Variants in LHFPL6 observed in about 807,000 individuals in gnomAD.
LHFPL6 encodes the protein LHFPL tetraspan subfamily member 6.
Under a neutral mutation model 20.6 loss-of-function variants are expected in LHFPL6, and 9 were observed. That is an observed-to-expected ratio of 0.44 (90% CI 0.26 to 0.76). LHFPL6 has a LOEUF of 0.76. LHFPL6 is among the 30% of genes least tolerant of loss of function. LHFPL6 has a pLI of 0.20. For synonymous variants in LHFPL6, 105 were observed against 98.7 expected (o/e 1.06, Z -0.38); for missense variants, 218 against 253.5 (o/e 0.86, Z 0.95).
intron 2 of LHFPL6, among the ~76,000 whole-genome samples, chr13:39,562,707 T>TATATAC (rs1279127810): frequency 8.2e-6 from 1 of 122,006 alleles, no homozygotes; most frequent in African/African-American, 2.7e-5. Flanking sequence ...TATATATATA[T>TATATAC]ACACACACAC....
chr13:39,498,340 T>C (rs1869167805), intron 2 of LHFPL6, among the ~76,000 whole-genome samples: 1 of 152,196 alleles, frequency 6.6e-6, no homozygotes, highest in South Asian at 2.1e-4. Flanking sequence ...ACCAAGCACC[T>C]ACTCTGTAGA....
At chr13:39,499,018 G>A (rs755481398) in intron 2 of LHFPL6, among the ~76,000 whole-genome samples, 2 of 152,068 alleles carry the variant, frequency 1.3e-5, no homozygotes, top group Non-Finnish European at 2.9e-5. Flanking sequence ...GCACCACCAC[G>A]TCCGGCTAAA....
intron 2 of LHFPL6, among the ~76,000 whole-genome samples, chr13:39,556,815 A>C (rs1339660119): frequency 2.0e-5 from 3 of 151,150 alleles, no homozygotes; most frequent in Non-Finnish European, 2.9e-5. Flanking sequence ...AATAAAAATC[A>C]GCCAGCCATG....
intron 2 of LHFPL6, among the ~76,000 whole-genome samples, chr13:39,406,031 G>A (rs1927200): frequency 0.61 from 93,439 of 151,946 alleles, 29,168 homozygotes; most frequent in Admixed American, 0.7. Context: ...CTGTATTGTA[G>A]CTGAGCTCAC....
intron 2 of LHFPL6, among the ~76,000 whole-genome samples, chr13:39,413,823 T>C (rs1281473117): frequency 1.3e-5 from 2 of 152,166 alleles, no homozygotes; most frequent in Admixed American, 6.5e-5. Context: ...TTCTATTCCT[T>C]TTTAATCACC....
intron 2 of LHFPL6, among the ~76,000 whole-genome samples, chr13:39,564,506 C>G (rs910720804): frequency 1.3e-5 from 2 of 152,056 alleles, no homozygotes; most frequent in Admixed American, 6.6e-5. Flanking sequence ...TTAAAAATGG[C>G]CTTTGACTCT....
At chr13:39,440,955 C>T (rs553387794) in intron 2 of LHFPL6, among the ~76,000 whole-genome samples, 2 of 151,924 alleles carry the variant, frequency 1.3e-5, no homozygotes, top group Admixed American at 6.6e-5. Context: ...GTTAGATGTG[C>T]CTTTTACCTT....
chr13:39,346,753 A>C (rs1270890967), intron 3 of LHFPL6, among the ~76,000 whole-genome samples: 1 of 152,160 alleles, frequency 6.6e-6, no homozygotes, highest in Non-Finnish European at 1.5e-5. Flanking sequence ...CCATGCTCTT[A>C]CTTAAAACCC....
At chr13:39,542,352 G>A (rs4366597) in intron 2 of LHFPL6, among the ~76,000 whole-genome samples, 143,791 of 152,244 alleles carry the variant, frequency 0.94, 67,958 homozygotes, top group Admixed American at 0.95. Flanking sequence ...ACTAATAAAC[G>A]TTGGAAATGT....
chr13:39,440,116 G>T (rs2138412821), intron 2 of LHFPL6, among the ~76,000 whole-genome samples: 1 of 152,342 alleles, frequency 6.6e-6, no homozygotes, highest in East Asian at 1.9e-4. Flanking sequence ...TAGAGAGAGA[G>T]AGATCACATA....
intron 2 of LHFPL6, among the ~76,000 whole-genome samples, chr13:39,382,373 G>T (rs1375652604): frequency 6.6e-6 from 1 of 152,120 alleles, no homozygotes; most frequent in Non-Finnish European, 1.5e-5. Context: ...CCTAGAGTAG[G>T]TTACATTACT....
intron 2 of LHFPL6, among the ~76,000 whole-genome samples, chr13:39,536,535 T>C (rs9532393): frequency 0.92 from 139,256 of 152,166 alleles, 63,854 homozygotes; most frequent in Non-Finnish European, 0.94. Context: ...CAGGGACTCC[T>C]GGTGGCCTGG....
At chr13:39,464,141 G>A (rs914659113) in intron 2 of LHFPL6, among the ~76,000 whole-genome samples, 81 of 152,240 alleles carry the variant, frequency 5.3e-4, no homozygotes, top group African/African-American at 1.8e-3. Flanking sequence ...TTTTTCATAA[G>A]CTCAGCAATT....
intron 3 of LHFPL6, among the ~76,000 whole-genome samples, chr13:39,353,234 C>T (rs943116391): frequency 4.6e-5 from 7 of 151,102 alleles, no homozygotes; most frequent in Non-Finnish European, 8.8e-5. Flanking sequence ...AATCCAGCCG[C>T]CTCGGCCTTC....
At chr13:39,402,622 C>T (rs529067653) in intron 2 of LHFPL6, among the ~76,000 whole-genome samples, 4 of 152,118 alleles carry the variant, frequency 2.6e-5, no homozygotes, top group Non-Finnish European at 5.9e-5. Context: ...AACACAAATA[C>T]AGACCAGGAT....
At position 39,367,104 on chromosome 13, in the gene LHFPL6, A is replaced by G. The variant is rs111362462; in HGVS notation, c.484+11324T>C. On this transcript the variant is annotated intron_variant, in intron 3 of 3. Coordinates refer to ENST00000379589, the MANE Select transcript of LHFPL6 (RefSeq NM_005780.3). ...AAGATCCTAAGTGGAAGCATATTCA[A>G]TTCACTAGGAAGGCTGAACACTCAT... 8.8e-3 allele frequency among the ~76,000 whole-genome samples: 1,334 copies of G among 152,348 alleles called. 6 individuals carry two copies. The highest frequency in any genetic ancestry group is 0.015 in the Non-Finnish European group (1,019 of 68,036).
At chr13:39,445,621 T>C (rs949770852) in intron 2 of LHFPL6, among the ~76,000 whole-genome samples, 1 of 152,248 alleles carries the variant, frequency 6.6e-6, no homozygotes, top group Non-Finnish European at 1.5e-5. Flanking sequence ...GGTTATCTAA[T>C]GTTTGCTTTT....
At chr13:39,470,767 A>G (rs1231541323) in intron 2 of LHFPL6, among the ~76,000 whole-genome samples, 2 of 152,184 alleles carry the variant, frequency 1.3e-5, no homozygotes, top group Non-Finnish European at 2.9e-5. Flanking sequence ...AATTTGAGTG[A>G]AAAAAACCCC....
chr13:39,472,627 G>A (rs922414223), intron 2 of LHFPL6, among the ~76,000 whole-genome samples: 2 of 151,938 alleles, frequency 1.3e-5, no homozygotes, highest in African/African-American at 4.8e-5. Flanking sequence ...TTTTGTGTGT[G>A]TGATGGAGTC....
Sources: allele counts gnomAD v4.1 joint callset (sites outside exome capture counted in the v4.1 genomes callset), GRCh38; gene constraint gnomAD v4.1.1; transcripts MANE v1.5; gene names NCBI Gene and HGNC (gene_info 2026-07-23, HGNC 2026-07-21).